ADGRG7: variants seen among roughly 807,000 people sequenced by gnomAD.
ADGRG7 encodes the protein adhesion G protein-coupled receptor G7, also known as G-protein coupled receptor 128.
A neutral mutation model predicts 88.6 loss-of-function variants in ADGRG7; 82 were observed. The observed-to-expected ratio is 0.93, with a 90% CI of 0.77 to 1.11. ADGRG7 has a LOEUF of 1.11. Among genes scored for constraint, ADGRG7 ranks in the 50% most tolerant of loss-of-function variants. The pLI, the probability that ADGRG7 is intolerant of heterozygous loss-of-function variation, is 0.00. For missense variants in ADGRG7, 945 were observed against 953.4 expected, an observed-to-expected ratio of 0.99 and a Z score of 0.12; for synonymous variants, 381 against 345.2, an observed-to-expected ratio of 1.10 and a Z score of -1.15.
intron 15 of ADGRG7, among the ~76,000 whole-genome samples, chr3:100,672,861 G>A (rs1450035180): frequency 1.3e-5 from 2 of 152,120 alleles, no homozygotes; most frequent in Non-Finnish European, 2.9e-5. Flanking sequence ...GATTACATTT[G>A]TTGATTTGTG....
intron 15 of ADGRG7, among the ~76,000 whole-genome samples, chr3:100,675,824 T>C (rs969913706): frequency 1.1e-4 from 16 of 152,300 alleles, no homozygotes; most frequent in African/African-American, 3.8e-4. Context: ...TTCTTCATGA[T>C]TCAATCTTGG....
chr3:100,619,549 A>T (rs1182896300), intron 1 of ADGRG7, among the ~76,000 whole-genome samples: 1 of 152,226 alleles, frequency 6.6e-6, no homozygotes, highest in East Asian at 1.9e-4. Flanking sequence ...GCGAGAAATA[A>T]CTAAGATCAG....
At chr3:100,647,643 C>A (rs1382532640) in intron 10 of ADGRG7, among the ~76,000 whole-genome samples, 2 of 152,136 alleles carry the variant, frequency 1.3e-5, no homozygotes, top group African/African-American at 4.8e-5. Context: ...CTTGTGCTGA[C>A]CTTTGTAAGA....
intron 15 of ADGRG7, among the ~76,000 whole-genome samples, chr3:100,688,375 C>G (rs1272869898): frequency 1.3e-5 from 2 of 152,214 alleles, no homozygotes; most frequent in East Asian, 3.9e-4. Flanking sequence ...TCTCTGTTTC[C>G]TTCAGTTCTG....
chr3:100,666,113 G>A (rs1026095192), intron 14 of ADGRG7, among the ~76,000 whole-genome samples: 16 of 151,224 alleles, frequency 1.1e-4, no homozygotes, highest in Non-Finnish European at 1.8e-4. Flanking sequence ...GTGCAGTGGC[G>A]TGATCTCGGC....
chr3:100,694,914 A>T lies in ADGRG7; in HGVS notation c.2307A>T (p.Leu769Phe). ...ATTTCCTCAGGTCATTGCCAACCTT[A>T]CATGAACGCTTTAGGCTACTGGAAA... ...MYNFLRSLPT[L>F]HERFRLLETS... Residue 769 changes from leucine to phenylalanine, a missense_variant, in exon 16 of 16, where the codon TTA becomes TTT. Leu to Phe is a conservative substitution (Grantham distance 22). Coordinates refer to ENST00000273352, the MANE Select transcript of ADGRG7 (RefSeq NM_032787.3). 6.2e-7 allele frequency: 1 copy of T among 1,614,214 alleles called. No individual in the cohort carries two copies. Among genetic ancestry groups the T allele is most frequent in the Non-Finnish European group, 8.5e-7 (1 of 1,180,030 alleles).
chr3:100,637,276 G>A, intron 5 of ADGRG7, 26 bp from the exon 6 acceptor site: 1 of 1,434,590 alleles, frequency 7.0e-7, no homozygotes, highest in Non-Finnish European at 9.8e-7. Context: ...ATGCTTCTCT[G>A]ATGATCAGTA....
intron 6 of ADGRG7, among the ~76,000 whole-genome samples, chr3:100,640,767 C>T (rs1707628965): frequency 1.3e-5 from 2 of 152,174 alleles, no homozygotes; most frequent in Non-Finnish European, 2.9e-5. Flanking sequence ...GGTGATCCAC[C>T]TGCTTTGGCC....
Position 100,630,765 on chromosome 3 carries a change from G to A in ADGRG7, c.290G>A (p.Arg97Lys). 6.7e-7 allele frequency: 1 copy of A among 1,487,794 alleles called. No individual in the cohort carries two copies. The highest frequency in any genetic ancestry group is 8.9e-7 in the Non-Finnish European group (1 of 1,121,108). 92.2% of individuals were successfully genotyped at this position (1,487,794 alleles called of 1,614,324 possible). Reference protein sequence around the residue: ...GFTFARIPVGRYGPSLQTCGK... With the variant: ...GFTFARIPVGKYGPSLQTCGK... ...ACTTTTGCCAGAATCCCAGTGGGCA[G>A]ATATGGACCATCCTTGCAAACATGT... is the stretch of plus-strand genomic sequence containing the variant. Residue 97 changes from arginine (R) to lysine (K), a missense_variant, in exon 3 of 16, where the codon AGA (arginine) becomes AAA (lysine). Coordinates refer to ENST00000273352, the MANE Select transcript of ADGRG7 (RefSeq NM_032787.3).
At chr3:100,610,179 G>C (rs991450272) in intron 1 of ADGRG7, among the ~76,000 whole-genome samples, 1 of 152,186 alleles carries the variant, frequency 6.6e-6, no homozygotes, top group African/African-American at 2.4e-5. Context: ...GTGGGCAGGG[G>C]GAAGAGTGAC....
chr3:100,688,087 C>G (rs2094986307), intron 15 of ADGRG7, among the ~76,000 whole-genome samples: 1 of 152,260 alleles, frequency 6.6e-6, no homozygotes, highest in East Asian at 1.9e-4. Context: ...GATTCAACTT[C>G]TTCCTGGTTT....
chr3:100,691,165 G>T (rs1381073667), intron 15 of ADGRG7, among the ~76,000 whole-genome samples: 1 of 152,224 alleles, frequency 6.6e-6, no homozygotes, highest in Non-Finnish European at 1.5e-5. Context: ...CTCCGACCCA[G>T]GTGCGAGATA....
chr3:100,687,316 C>G (rs1434542796), intron 15 of ADGRG7, among the ~76,000 whole-genome samples: 2 of 152,184 alleles, frequency 1.3e-5, no homozygotes, highest in Non-Finnish European at 2.9e-5. Flanking sequence ...ATCATGTCAT[C>G]TGCAAACAGG....
chr3:100,652,614 T>C (rs531432830), intron 11 of ADGRG7, among the ~76,000 whole-genome samples: 2 of 152,190 alleles, frequency 1.3e-5, no homozygotes, highest in South Asian at 2.1e-4. Context: ...AAATAATACA[T>C]GTACAAAAAA....
intron 15 of ADGRG7, among the ~76,000 whole-genome samples, chr3:100,685,583 T>C (rs2094980734): frequency 1.3e-5 from 2 of 152,272 alleles, no homozygotes; most frequent in Admixed American, 6.5e-5. Context: ...GTCCATGTGT[T>C]CTCATTGTTC....
At chr3:100,674,169 A>G (rs1224210905) in intron 15 of ADGRG7, among the ~76,000 whole-genome samples, 1 of 152,176 alleles carries the variant, frequency 6.6e-6, no homozygotes, top group Non-Finnish European at 1.5e-5. Context: ...TTATGCCAGT[A>G]CTATGCTGTT....
chr3:100,685,093 T>A (rs549848173), intron 15 of ADGRG7, among the ~76,000 whole-genome samples: 1 of 152,280 alleles, frequency 6.6e-6, no homozygotes, highest in African/African-American at 2.4e-5. Context: ...TATTGGAATG[T>A]CCTGTTATTT....
At chr3:100,639,602 T>C (rs1707605198) in intron 6 of ADGRG7, among the ~76,000 whole-genome samples, 1 of 152,148 alleles carries the variant, frequency 6.6e-6, no homozygotes, top group Non-Finnish European at 1.5e-5. Context: ...CCAGAGTCTA[T>C]GTTCAGTGAA....
At chr3:100,644,924 GAT>G (rs2149025361) in intron 8 of ADGRG7, among the ~76,000 whole-genome samples, 2 of 152,262 alleles carry the variant, frequency 1.3e-5, no homozygotes, top group Non-Finnish European at 2.9e-5. Context: ...ACAATTTGGT[GAT>G]GTCAATGTAC....
Sources: gnomAD v4.1 joint callset for allele counts (sites outside exome capture counted in the v4.1 genomes callset) on GRCh38, gnomAD v4.1.1 for gene constraint, MANE v1.5 for transcripts, NCBI Gene and HGNC (gene_info 2026-07-23, HGNC 2026-07-21) for gene names.